NKAIN2: variants seen among roughly 807,000 people sequenced by gnomAD.
The protein encoded by NKAIN2 is sodium/potassium-transporting ATPase subunit beta-1-interacting protein 2.
In NKAIN2, 14 loss-of-function variants were observed where a neutral mutation model predicts 32.6. The observed-to-expected ratio is 0.43, with a 90% confidence interval of 0.28 to 0.67. NKAIN2 has a LOEUF of 0.67. NKAIN2 is among the 30% of genes least tolerant of loss of function. The pLI, the probability that NKAIN2 is intolerant of heterozygous loss-of-function variation, is 0.17. For synonymous variants in NKAIN2, 80 were observed against 87.2 expected, an observed-to-expected ratio of 0.92 and a Z score of 0.46; for missense variants, 198 against 258.3, an observed-to-expected ratio of 0.77 and a Z score of 1.60.
At chr6:124,806,424 C>T (rs1344401808) in intron 5 of NKAIN2, among the ~76,000 whole-genome samples, 1 of 152,010 alleles carries the variant, frequency 6.6e-6, no homozygotes, top group Non-Finnish European at 1.5e-5. Flanking sequence ...AAATACTTTA[C>T]AGACAAGCAA....
intron 1 of NKAIN2, among the ~76,000 whole-genome samples, chr6:123,996,527 C>T (rs1256055306): frequency 6.6e-6 from 1 of 152,092 alleles, no homozygotes; most frequent in Non-Finnish European, 1.5e-5. Flanking sequence ...GCAAATTTTA[C>T]ATTCTAACTT....
At chr6:123,878,886 C>G (rs1456489277) in intron 1 of NKAIN2, among the ~76,000 whole-genome samples, 1 of 152,200 alleles carries the variant, frequency 6.6e-6, no homozygotes, top group Non-Finnish European at 1.5e-5. Context: ...AACTACTACT[C>G]AGAAGTTCAC....
chr6:124,763,580 G>A (rs1323250906), intron 4 of NKAIN2, among the ~76,000 whole-genome samples: 3 of 152,142 alleles, frequency 2.0e-5, no homozygotes, highest in African/African-American at 7.2e-5. Context: ...CTTCACCATT[G>A]GGATTACAAT....
chr6:124,705,750 T>C (rs1775027597), intron 4 of NKAIN2, among the ~76,000 whole-genome samples: 1 of 152,088 alleles, frequency 6.6e-6, no homozygotes, highest in Admixed American at 6.6e-5. Flanking sequence ...TGTTAAACCC[T>C]GAATTTTGAG....
chr6:124,316,464 G>A (rs112022219), intron 2 of NKAIN2, among the ~76,000 whole-genome samples: 6 of 152,134 alleles, frequency 3.9e-5, no homozygotes, highest in South Asian at 2.1e-4. Context: ...TGATATAACC[G>A]CATTTCTCAT....
intron 1 of NKAIN2, among the ~76,000 whole-genome samples, chr6:123,921,773 C>T (rs539416113): frequency 1.3e-5 from 2 of 152,248 alleles, no homozygotes; most frequent in African/African-American, 4.8e-5. Flanking sequence ...GGTGTTAGCA[C>T]TTTGTGACCA....
intron 3 of NKAIN2, among the ~76,000 whole-genome samples, chr6:124,534,781 T>G (rs1360502226): frequency 6.6e-6 from 1 of 152,168 alleles, no homozygotes; most frequent in Non-Finnish European, 1.5e-5. Flanking sequence ...CATTAATATC[T>G]CTCAACACTT....
In NKAIN2 at chr6:124,058,036, A is replaced by G. The variant is rs139314523; in HGVS notation, c.55-224969A>G. On this transcript the variant is annotated intron_variant, in intron 1 of 6. Transcript: ENST00000368417. ...TTAAACAGGAACACAATGAGATTAGATAATAGTTATATTTCTACCTAGAAA... is the reference window on the plus strand; with the variant it reads ...TTAAACAGGAACACAATGAGATTAGGTAATAGTTATATTTCTACCTAGAAA... Among the ~76,000 whole-genome samples, 1,186 of 152,194 alleles carry G rather than the reference A, an allele frequency of 7.8e-3. 12 individuals are homozygous for G. Among genetic ancestry groups the G allele is most frequent in the Non-Finnish European group, 9.1e-3 (617 of 68,004 alleles).
chr6:124,655,803 G>A (rs1784519469), intron 3 of NKAIN2, among the ~76,000 whole-genome samples: 1 of 152,152 alleles, frequency 6.6e-6, no homozygotes, highest in South Asian at 2.1e-4. Context: ...TTCAACCAAT[G>A]AGAAGCAATA....
At chr6:124,772,404 C>G (rs1009299721) in intron 4 of NKAIN2, among the ~76,000 whole-genome samples, 5 of 152,268 alleles carry the variant, frequency 3.3e-5, no homozygotes, top group Middle Eastern at 3.4e-3. Flanking sequence ...CTGTGCTGTA[C>G]ATGATGAGTT....
intron 1 of NKAIN2, among the ~76,000 whole-genome samples, chr6:123,995,210 A>G (rs571105544): frequency 6.6e-6 from 1 of 152,186 alleles, no homozygotes; most frequent in African/African-American, 2.4e-5. Flanking sequence ...ATTTTGATAA[A>G]TGACAGATAT....
chr6:124,416,414 A>G, intron 3 of NKAIN2, among the ~76,000 whole-genome samples: 1 of 152,162 alleles, frequency 6.6e-6, no homozygotes, highest in East Asian at 1.9e-4. Flanking sequence ...GAGGAGGCCA[A>G]GGCACAAACT....
At chr6:124,334,338 C>G (rs1054342359) in intron 2 of NKAIN2, among the ~76,000 whole-genome samples, 1 of 152,190 alleles carries the variant, frequency 6.6e-6, no homozygotes, top group East Asian at 1.9e-4. Context: ...CAGACAGAGT[C>G]GATTTATCCG....
intron 1 of NKAIN2, among the ~76,000 whole-genome samples, chr6:124,191,119 A>G (rs1207348145): frequency 6.6e-6 from 1 of 152,222 alleles, no homozygotes; most frequent in Non-Finnish European, 1.5e-5. Context: ...ACATTACAGT[A>G]TCATACAAAA....
intron 3 of NKAIN2, among the ~76,000 whole-genome samples, chr6:124,649,597 C>G (rs1784294467): frequency 6.6e-6 from 1 of 152,180 alleles, no homozygotes; most frequent in African/African-American, 2.4e-5. Flanking sequence ...GAGACACTAA[C>G]TTCGTAACAC....
At chr6:124,336,668 G>GGTT (rs1554283892) in intron 2 of NKAIN2, among the ~76,000 whole-genome samples, 6 of 137,060 alleles carry the variant, frequency 4.4e-5, no homozygotes, top group Non-Finnish European at 8.0e-5. Context: ...GAAATAGTTT[G>GGTT]TTTTTTTTTG....
chr6:124,263,592 GA>G (rs962601230), intron 1 of NKAIN2, among the ~76,000 whole-genome samples: 1 of 151,988 alleles, frequency 6.6e-6, no homozygotes, highest in African/African-American at 2.4e-5. Flanking sequence ...CTTGTCAGAA[GA>G]AAAAAATCAT....
chr6:124,287,962 T>C (rs1582994383), intron 2 of NKAIN2, among the ~76,000 whole-genome samples: 1 of 150,344 alleles, frequency 6.7e-6, no homozygotes, highest in East Asian at 2.0e-4. Flanking sequence ...TCTCCCCCCC[T>C]CTCCCTTTCT....
chr6:124,293,954 A>G (rs1795933845), intron 2 of NKAIN2, among the ~76,000 whole-genome samples: 1 of 152,174 alleles, frequency 6.6e-6, no homozygotes, highest in African/African-American at 2.4e-5. Flanking sequence ...GATAATGTGA[A>G]TCAATGAATT....
Sources: gnomAD v4.1 joint callset for allele counts (sites outside exome capture counted in the v4.1 genomes callset) on GRCh38, gnomAD v4.1.1 for gene constraint, MANE v1.5 for transcripts, NCBI Gene and HGNC (gene_info 2026-07-23, HGNC 2026-07-21) for gene names.